The following PXYLP1 variants were observed in gnomAD, a reference collection of about 807,000 sequenced individuals.
The protein encoded by PXYLP1 is acid phosphatase-like 2.
PXYLP1 carries 17 observed loss-of-function variants against 37.9 expected under a neutral mutation model. The observed-to-expected ratio is 0.45, with a 90% confidence interval of 0.31 to 0.67. PXYLP1 has a LOEUF of 0.67. Ranked by LOEUF, PXYLP1 falls within the 30% of genes least tolerant of loss-of-function variation. The pLI is 0.07. For missense variants in PXYLP1, 511 were observed against 612.0 expected (o/e 0.84, Z 1.74); for synonymous variants, 221 against 232.2 (o/e 0.95, Z 0.44).
chr3:141,287,334 T>A lies in PXYLP1; in HGVS notation c.386T>A (p.Leu129Gln). The stretch of plus-strand genomic sequence containing the variant: ...TCTAGGAAACCGTATCACCCAAAAC[T>A]GGAAGCTTTCATTAGTCACATGTCA... ...VANRKPYHPK[L>Q]EAFISHMSKG... is the part of the protein sequence containing the mutation. The change falls in exon 5 of 6, where the codon CTG becomes CAG. Residue 129 changes from leucine to glutamine, a missense_variant. Physicochemically the swap from Leu to Gln is moderately radical, Grantham distance 113. Transcript: ENST00000286353. The A allele has an allele frequency of 6.2e-7, 1 of 1,614,202 alleles. No homozygotes were observed.
At chr3:141,262,174 A>C (rs902283641) in intron 2 of PXYLP1, 10 of 599,608 alleles carry the variant, frequency 1.7e-5, no homozygotes, top group African/African-American at 1.6e-4. Flanking sequence ...ACATATTTCC[A>C]TGTACATGCA....
intron 2 of PXYLP1, chr3:141,274,275 C>G: frequency 7.6e-7 from 1 of 1,319,614 alleles, no homozygotes; most frequent in South Asian, 1.8e-5. Context: ...GGGGTCTGCT[C>G]CTCCAGGCCC....
chr3:141,235,914 CT>C (rs536471680), intron 1 of PXYLP1, among the ~76,000 whole-genome samples: 1 of 152,326 alleles, frequency 6.6e-6, no homozygotes, highest in East Asian at 1.9e-4. Flanking sequence ...CCTTTTTGGA[CT>C]TTGGCTGGGG....
intron 1 of PXYLP1, among the ~76,000 whole-genome samples, chr3:141,239,379 A>G (rs1303262115): frequency 6.6e-6 from 1 of 152,246 alleles, no homozygotes; most frequent in East Asian, 1.9e-4. Flanking sequence ...CTCTGTCTTC[A>G]AAGTGAAAAA....
intron 1 of PXYLP1, among the ~76,000 whole-genome samples, chr3:141,257,290 G>T (rs1941284118): frequency 6.6e-6 from 1 of 152,236 alleles, no homozygotes; most frequent in South Asian, 2.1e-4. Context: ...TGCACCAGCA[G>T]TCTGGCCTAG....
Position 141,292,037 on chromosome 3 carries a change from T to C in PXYLP1, c.506-231T>C, listed in dbSNP as rs1372561350. ...TGCAAGGCAGATGGTCCAAAGGCCG[T>C]GGTTCTCAAGGCCAGGGCCCCGCTC... On this transcript the variant is annotated intron_variant, in intron 5 of 5. Coordinates refer to ENST00000286353, the MANE Select transcript of PXYLP1 (RefSeq NM_001037172.3). The surrounding 1 kb of genome is among the most constrained non-coding windows in gnomAD (Gnocchi z 4.3). 6.6e-6 allele frequency among the ~76,000 whole-genome samples: 1 copy of C among 152,174 alleles called. No homozygotes were observed. The highest frequency in any genetic ancestry group is 1.5e-5 in the Non-Finnish European group (1 of 68,020).
chr3:141,248,527 G>A (rs1284928809), intron 1 of PXYLP1, among the ~76,000 whole-genome samples: 6 of 140,294 alleles, frequency 4.3e-5, no homozygotes, highest in South Asian at 4.5e-4. Context: ...ACACACACAC[G>A]TATATATATA....
At position 141,293,242 on chromosome 3, in the gene PXYLP1, T is replaced by C. The variant is rs1336663817; in HGVS notation, c.*37T>C. The C allele has an allele frequency of 1.3e-6, 2 of 1,563,358 alleles. No individual in the cohort carries two copies. The highest frequency in any genetic ancestry group is 1.7e-6 in the Non-Finnish European group (2 of 1,150,780). On this transcript the variant is annotated 3_prime_UTR_variant, in exon 6 of 6. Coordinates refer to ENST00000286353, the MANE Select transcript of PXYLP1 (RefSeq NM_001037172.3). ...TACAGCAGTATAGAATCCATGCCAATACAGAGCATAGGGAAAGGTCCACTT... is the reference window on the plus strand; with the variant it reads ...TACAGCAGTATAGAATCCATGCCAACACAGAGCATAGGGAAAGGTCCACTT...
rs374728196 is a variant in PXYLP1 at position 141,279,374 on chromosome 3, G to T, written c.239-4G>T. ...TAACCAGACAATGTGCTTCTCTCGC[G>T]CAGGTCATGCCCCGCATCATTTTAA... On this transcript the variant is annotated splice_region_variant and splice_polypyrimidine_tract_variant and intron_variant, in intron 3 of 5. Coordinates refer to ENST00000286353, the MANE Select transcript of PXYLP1 (RefSeq NM_001037172.3). The T allele has an allele frequency of 3.1e-6, 5 of 1,613,874 alleles. No individual in the cohort carries two copies. The highest frequency in any genetic ancestry group is 4.2e-6 in the Non-Finnish European group (5 of 1,179,952).
chr3:141,251,921 CT>C (rs1409836589), intron 1 of PXYLP1, among the ~76,000 whole-genome samples: 2 of 152,200 alleles, frequency 1.3e-5, no homozygotes, highest in Non-Finnish European at 2.9e-5. Context: ...AGCAAAATCA[CT>C]GCTAATACTT....
intron 1 of PXYLP1, among the ~76,000 whole-genome samples, chr3:141,259,887 C>G (rs1311308450): frequency 6.6e-6 from 1 of 152,146 alleles, no homozygotes; most frequent in Non-Finnish European, 1.5e-5. Context: ...TCAGATAAGG[C>G]ATTCAGGAAC....
chr3:141,267,926 C>A (rs564120042), intron 2 of PXYLP1, among the ~76,000 whole-genome samples: 1 of 145,780 alleles, frequency 6.9e-6, no homozygotes, highest in South Asian at 2.2e-4. Flanking sequence ...TCCCTTTTTT[C>A]TTCTTAGTTC....
intron 4 of PXYLP1, among the ~76,000 whole-genome samples, chr3:141,284,332 A>G (rs1942023051): frequency 6.6e-6 from 1 of 152,180 alleles, no homozygotes; most frequent in Admixed American, 6.5e-5. Flanking sequence ...AGGAAGGAAG[A>G]TAATGTGAAC....
intron 1 of PXYLP1, among the ~76,000 whole-genome samples, chr3:141,240,083 G>T (rs1940758782): frequency 6.6e-6 from 1 of 152,224 alleles, no homozygotes; most frequent in African/African-American, 2.4e-5. Flanking sequence ...GAAGATAGGT[G>T]ATTGCTGGTG....
chr3:141,264,590 C>T (rs1005800141), intron 2 of PXYLP1, among the ~76,000 whole-genome samples: 1 of 152,182 alleles, frequency 6.6e-6, no homozygotes, highest in Non-Finnish European at 1.5e-5. Context: ...CCAGGGAGCT[C>T]TTTGTCCAGT....
Position 141,292,796 on chromosome 3 carries a change from C to T in PXYLP1, c.1034C>T (p.Ser345Phe). 6.2e-7 allele frequency: 1 copy of T among 1,613,400 alleles called. No individual in the cohort carries two copies. The highest frequency in any genetic ancestry group is 8.5e-7 in the Non-Finnish European group (1 of 1,179,654). ...GAGAAGAAATTGTACTTCGGGTATT[C>T]TCTCCTGGGTGCCCACCCCATCCTG... ...RREKKLYFGY[S>F]LLGAHPILNQ... Residue 345 changes from serine (S) to phenylalanine (F), a missense_variant, in exon 6 of 6, where the codon TCT becomes TTT. Ser to Phe is a radical substitution (Grantham distance 155, BLOSUM62 -2). Transcript: ENST00000286353. This position sits in a 1 kb window ranked among gnomAD's most constrained non-coding sequence, Gnocchi z 4.3.
chr3:141,233,644 A>G (rs778421857), intron 1 of PXYLP1, among the ~76,000 whole-genome samples: 2 of 151,986 alleles, frequency 1.3e-5, no homozygotes, highest in Non-Finnish European at 2.9e-5. Flanking sequence ...TCTGTTAGGG[A>G]TTGGCTCCTG....
rs564313232 is a variant in PXYLP1 at position 141,249,470 on chromosome 3, C to CTT, written c.-53-10635_-53-10634dup. ...GCTATGAGTCTCAGGACTTTGGAAG[C>CTT]TTTTTTTTTTTTTTTTTTTGCCTTT... On this transcript the variant is annotated intron_variant, in intron 1 of 5. Coordinates refer to ENST00000286353, the MANE Select transcript of PXYLP1 (RefSeq NM_001037172.3). Among the ~76,000 whole-genome samples the CTT allele has an allele frequency of 8.3e-3, 772 of 93,050 alleles. 23 individuals carry two copies. Among genetic ancestry groups the CTT allele is most frequent in the African/African-American group, 0.024 (569 of 23,778 alleles). The allele number at this position is 93,050 out of a possible 152,430, so 61.0% of individuals were successfully genotyped here. A position where few individuals can be genotyped will look rare whatever the true frequency, so the allele number is the denominator to read the frequency against.
chr3:141,265,212 G>GAGCC (rs1941478421), intron 2 of PXYLP1, among the ~76,000 whole-genome samples: 1 of 152,094 alleles, frequency 6.6e-6, no homozygotes, highest in South Asian at 2.1e-4. Flanking sequence ...AGGCTGTGAG[G>GAGCC]AGCCACTGAA....
Sources: gnomAD v4.1 joint callset for allele counts (sites outside exome capture counted in the v4.1 genomes callset) on GRCh38, gnomAD v4.1.1 for gene constraint, Gnocchi (gnomAD v3.1) non-coding constraint, MANE v1.5 for transcripts, NCBI Gene and HGNC (gene_info 2026-07-23, HGNC 2026-07-21) for gene names.